The following CFAP44 variants were observed in gnomAD, a reference collection of about 807,000 sequenced individuals.
The protein encoded by CFAP44 is cilia and flagella associated protein 44, also known as cilia- and flagella-associated protein 44.
CFAP44 carries 134 observed loss-of-function variants against 216.2 expected under a neutral mutation model. The ratio of observed to expected loss-of-function variants is 0.62; its 90% CI spans 0.54 to 0.72. CFAP44 has a LOEUF of 0.72. Among genes scored for constraint, CFAP44 ranks in the 30% least tolerant of loss-of-function variants. The probability of loss-of-function intolerance (pLI) is 0.00; values close to 1 mark genes in which losing one functional copy is unlikely to be tolerated. For synonymous variants in CFAP44, 700 were observed against 727.6 expected (o/e 0.96, Z 0.61); for missense variants, 2,035 against 2,182.1 (o/e 0.93, Z 1.34).
Position 113,366,284 on chromosome 3 carries a change from C to T in CFAP44, c.2470G>A (p.Gly824Arg). Reference protein sequence around the residue: ...FNINKVMMFCGMKNGAIRVYV... With the variant: ...FNINKVMMFCRMKNGAIRVYV... Reference sequence around the variant, plus strand: ...ACTCGAATTGCTCCATTTTTCATTCCACAAAACATCATAACTTTGTTAATG... The same window carrying T: ...ACTCGAATTGCTCCATTTTTCATTCTACAAAACATCATAACTTTGTTAATG... Residue 824 changes from glycine to arginine, a missense_variant, in exon 19 of 35, where the codon GGA becomes AGA. Physicochemically the swap from Gly to Arg is moderately radical, Grantham distance 125. Around this residue, in one of 3 missense-constraint regions of CFAP44, gnomAD observed 1,883 missense variants for 2,023.7 expected, o/e 0.93. Coordinates refer to ENST00000393845, the MANE Select transcript of CFAP44 (RefSeq NM_001164496.2). 1 of 1,605,698 alleles carries T rather than the reference C, an allele frequency of 6.2e-7. No homozygotes were observed. The highest frequency in any genetic ancestry group is 8.5e-7 in the Non-Finnish European group (1 of 1,173,752).
intron 31 of CFAP44, 38 bp downstream of exon 31, chr3:113,304,998 T>C: frequency 6.6e-7 from 1 of 1,521,686 alleles, no homozygotes; most frequent in Non-Finnish European, 8.8e-7. Context: ...TGATGACTCT[T>C]CTCGGACAGG....
At chr3:113,380,212 T>G (rs566563136) in intron 16 of CFAP44, among the ~76,000 whole-genome samples, 1 of 152,114 alleles carries the variant, frequency 6.6e-6, no homozygotes, top group South Asian at 2.1e-4. Flanking sequence ...CCTCACAAAC[T>G]CACAATGGAT....
Position 113,303,970 on chromosome 3 carries a change from C to G in CFAP44, c.5023G>C (p.Glu1675Gln), listed in dbSNP as rs1333932921. ...KQQKLNKEWR[E>Q]RRKQLIREKR... ...TCTCGGATGAGCTGTTTACGTCTCT[C>G]TCTCCATTCTTTGTTAAGTTTTTGC... Residue 1675 changes from glutamate (E) to glutamine (Q), a missense_variant, in exon 32 of 35, where the codon GAG (glutamate) becomes CAG (glutamine). By Grantham distance (29) the Glu-to-Gln change is conservative. Around this residue, in one of 3 missense-constraint regions of CFAP44, gnomAD observed 1,883 missense variants for 2,023.7 expected, o/e 0.93. Coordinates refer to ENST00000393845, the MANE Select transcript of CFAP44 (RefSeq NM_001164496.2). The G allele has an allele frequency of 2.6e-6, 4 of 1,537,632 alleles. No homozygotes were observed. The highest frequency in any genetic ancestry group is 2.6e-6 in the Non-Finnish European group (3 of 1,147,050).
intron 24 of CFAP44, 99 bp from the exon 25 acceptor site, chr3:113,333,682 C>A: frequency 7.8e-7 from 1 of 1,279,386 alleles, no homozygotes; most frequent in Non-Finnish European, 1.0e-6. Flanking sequence ...AATCATGAAA[C>A]AAAAGTATGA....
intron 2 of CFAP44, among the ~76,000 whole-genome samples, chr3:113,430,118 T>C (rs1203759249): frequency 6.6e-6 from 1 of 151,866 alleles, no homozygotes; most frequent in Non-Finnish European, 1.5e-5. Context: ...TCATATAGAA[T>C]AGATATGTTC....
chr3:113,415,423 C>G (rs1934618799), intron 6 of CFAP44, among the ~76,000 whole-genome samples: 1 of 152,102 alleles, frequency 6.6e-6, no homozygotes, highest in Non-Finnish European at 1.5e-5. Flanking sequence ...TTCATTTGCT[C>G]TTGCCTCTCT....
In CFAP44 at chr3:113,330,663, A is replaced by G. The variant is rs1950233677; in HGVS notation, c.3621T>C (p.His1207=). ...EELGHLDSLV[H]GNKRHMNKCI... ...ACTTGTTCATGTGCCTTTTATTTCC[A>G]TGGACCTGAAAAAAAGAAGAGGAAG... The change falls in exon 26 of 35, where the codon CAT becomes CAC. Residue 1207 remains histidine, a synonymous_variant. Coordinates refer to ENST00000393845, the MANE Select transcript of CFAP44 (RefSeq NM_001164496.2). 6.5e-7 allele frequency: 1 copy of G among 1,528,892 alleles called. No individual in the cohort carries two copies. Among genetic ancestry groups the G allele is most frequent in the East Asian group, 2.4e-5 (1 of 40,846 alleles). The allele number at this position is 1,528,892 out of a possible 1,614,324, so 94.7% of individuals were successfully genotyped here.
chr3:113,438,469 G>A lies in CFAP44; in HGVS notation c.-6+2984C>T, dbSNP rs551106053. 9.2e-5 allele frequency among the ~76,000 whole-genome samples: 14 copies of A among 152,284 alleles called. No homozygotes were observed. The East Asian group carries it at 2.5e-3, about 27-fold the overall frequency. On this transcript the variant is annotated intron_variant, in intron 1 of 34. Coordinates refer to ENST00000393845, the MANE Select transcript of CFAP44 (RefSeq NM_001164496.2). The stretch of plus-strand genomic sequence containing the variant: ...GCCTCAGTACTTCCATCTTTAAAAT[G>A]CAGCACCTACTGGATAAGGTTGTTC...
intron 22 of CFAP44, among the ~76,000 whole-genome samples, chr3:113,357,887 C>T (rs993174998): frequency 5.3e-5 from 8 of 152,052 alleles, no homozygotes; most frequent in Non-Finnish European, 1.0e-4. Flanking sequence ...AAAAAACGTA[C>T]ACAATGTTCA....
chr3:113,400,435 C>A, intron 12 of CFAP44, 110 bp downstream of exon 12: 1 of 909,684 alleles, frequency 1.1e-6, no homozygotes, highest in Non-Finnish European at 1.6e-6. Flanking sequence ...TCAAGAGGCT[C>A]CCCTTTTGGG....
In CFAP44 at chr3:113,373,483, T is replaced by A; in HGVS notation, c.2372A>T (p.Gln791Leu). The change falls in exon 18 of 35, where the codon CAA (glutamine) becomes CTA (leucine). Residue 791 changes from glutamine to leucine, a missense_variant. By Grantham distance (113) the Gln-to-Leu change is moderately radical (BLOSUM62 -2). Transcript: ENST00000393845. ...ACGGACATCAATAGGTTCATCTTTT[T>A]GTTCTTTGAAATCACTGCTTTCATC... ...PCDESSDFKE[Q>L]KDEPIDVRYL... 6.2e-7 allele frequency: 1 copy of A among 1,610,036 alleles called. No individual in the cohort carries two copies. The highest frequency in any genetic ancestry group is 2.2e-5 in the East Asian group (1 of 44,678).
intron 32 of CFAP44, among the ~76,000 whole-genome samples, chr3:113,297,475 G>A (rs1329588971): frequency 1.3e-5 from 2 of 152,110 alleles, no homozygotes; most frequent in African/African-American, 2.4e-5. Flanking sequence ...AGATCCACAC[G>A]GCTTGCTCCT....
chr3:113,396,832 C>T, intron 13 of CFAP44, 105 bp from the exon 14 acceptor site: 1 of 1,140,720 alleles, frequency 8.8e-7, no homozygotes, highest in South Asian at 1.6e-5. Flanking sequence ...TATTGGCTGC[C>T]CATTGGCAAT....
intron 25 of CFAP44, among the ~76,000 whole-genome samples, chr3:113,332,778 C>T (rs1161770801): frequency 6.6e-6 from 1 of 152,000 alleles, no homozygotes; most frequent in East Asian, 1.9e-4. Context: ...CATTGAGTTG[C>T]CTAGAAAAGT....
chr3:113,396,080 A>T (rs980250704), intron 14 of CFAP44, among the ~76,000 whole-genome samples: 1 of 152,222 alleles, frequency 6.6e-6, no homozygotes, highest in African/African-American at 2.4e-5. Flanking sequence ...AAATATGATC[A>T]CCATACTTTC....
chr3:113,333,191 G>A (rs2107812997), intron 25 of CFAP44, among the ~76,000 whole-genome samples: 1 of 152,176 alleles, frequency 6.6e-6, no homozygotes, highest in African/African-American at 2.4e-5. Context: ...CATATTAGCT[G>A]ACTAACCATG....
rs11919903 is a variant in CFAP44, at chr3:113,389,900, G to A, written c.1890+5850C>T. Among the ~76,000 whole-genome samples, 290 of 152,136 alleles carry A rather than the reference G, an allele frequency of 1.9e-3. 2 individuals are homozygous for A. The highest frequency in any genetic ancestry group is 5.7e-3 in the African/African-American group (237 of 41,542). On this transcript the variant is annotated intron_variant, in intron 15 of 34. Transcript: ENST00000393845. ...AGCAAAGAAAAGCCTGGGACCCAAT[G>A]GCTTCACTGTTGAATTCTACCAAAC...
At chr3:113,366,711 G>A (rs1039570493) in intron 18 of CFAP44, among the ~76,000 whole-genome samples, 1 of 152,204 alleles carries the variant, frequency 6.6e-6, no homozygotes, top group Non-Finnish European at 1.5e-5. Flanking sequence ...GGGACTGGTT[G>A]GACAGTGGGT....
rs1340648939 is a variant in CFAP44, at chr3:113,290,171, A to C, written c.*1386T>G. On this transcript the variant is annotated 3_prime_UTR_variant, in exon 35 of 35. Transcript: ENST00000393845. ...GAAAGGCACACATGGCTTAGGATAT[A>C]CAACACAGAAAGTGATTTAAAAAAA... is the stretch of plus-strand genomic sequence containing the variant. The C allele has an allele frequency of 1.3e-5, 2 of 152,234 alleles. No homozygotes were observed. Among genetic ancestry groups the C allele is most frequent in the African/African-American group, 2.4e-5 (1 of 41,452 alleles). The allele number at this position is 152,234 out of a possible 1,614,324, so 9.4% of individuals were successfully genotyped here.
Sources: gnomAD v4.1 joint callset for allele counts (sites outside exome capture counted in the v4.1 genomes callset) on GRCh38, gnomAD v4.1.1 for gene constraint, gnomAD v4.1.1 regional missense constraint, MANE v1.5 for transcripts, NCBI Gene and HGNC (gene_info 2026-07-23, HGNC 2026-07-21) for gene names.